Variants in STAMBP observed in about 807,000 individuals in gnomAD.
STAMBP encodes the protein STAM binding protein.
In STAMBP, 31 loss-of-function variants were observed where a neutral mutation model predicts 50.7. That is an observed-to-expected ratio of 0.61 (90% CI 0.46 to 0.83). The LOEUF (loss-of-function observed/expected upper bound fraction) is 0.83. Ranked by LOEUF, STAMBP falls within the 40% of genes least tolerant of loss-of-function variation. The probability of loss-of-function intolerance (pLI) is 0.00; values close to 1 mark genes in which losing one functional copy is unlikely to be tolerated. For missense variants in STAMBP, 472 were observed against 518.9 expected (o/e 0.91, Z 0.88); for synonymous variants, 211 against 192.4 (o/e 1.10, Z -0.80).
intron 3 of STAMBP, 37 bp from the exon 4 acceptor site, chr2:73,845,130 G>A (rs917857167): frequency 2.5e-6 from 4 of 1,601,754 alleles, no homozygotes; most frequent in Non-Finnish European, 2.6e-6. Context: ...TAATTTTCTG[G>A]CATTGTTCTA....
chr2:73,842,720 C>A (rs543104845), intron 2 of STAMBP, among the ~76,000 whole-genome samples: 2 of 152,148 alleles, frequency 1.3e-5, no homozygotes, highest in Admixed American at 6.5e-5. Flanking sequence ...TTTCCAAGAA[C>A]CTATCAACAT....
chr2:73,832,108 T>TATATATATATATATACACACAC (rs1006072205), intron 2 of STAMBP, among the ~76,000 whole-genome samples: 10 of 122,894 alleles, frequency 8.1e-5, no homozygotes, highest in African/African-American at 3.5e-4. Context: ...TATATATATA[T>TATATATATATATATACACACAC]ACACATATAT....
At chr2:73,829,658 C>G (rs1034652628) in intron 1 of STAMBP, 148 bp downstream of exon 1, 2 of 152,140 alleles carry the variant, frequency 1.3e-5, no homozygotes, top group Non-Finnish European at 1.5e-5. Flanking sequence ...ATCTCTGCAT[C>G]CCTAGTAGTC....
chr2:73,847,762 A>C lies in STAMBP; in HGVS notation c.742+9A>C, dbSNP rs750131253. 3 of 1,608,700 alleles carry C rather than the reference A, an allele frequency of 1.9e-6. No individual in the cohort carries two copies. The African/African-American group carries it at 4.0e-5, about 21-fold the overall frequency. On this transcript the variant is annotated intron_variant, in intron 5 of 9. Coordinates refer to ENST00000394070, the MANE Select transcript of STAMBP (RefSeq NM_213622.4). ...GAGCAACTCAGAAAGTAGTAAGTGC[A>C]TTTGCTGATGTCCTCTTCCTTCTCA... is the stretch of plus-strand genomic sequence containing the variant.
intron 8 of STAMBP, among the ~76,000 whole-genome samples, chr2:73,859,598 C>G (rs980793654): frequency 2.0e-5 from 3 of 150,832 alleles, no homozygotes; most frequent in Non-Finnish European, 4.4e-5. Flanking sequence ...GAAAAGTCTA[C>G]AAGAAATTTG....
intron 2 of STAMBP, 145 bp downstream of exon 2, chr2:73,831,204 C>G (rs1200137987): frequency 1.8e-5 from 12 of 654,066 alleles, no homozygotes; most frequent in Non-Finnish European, 3.2e-5. Context: ...CTGTCCTTGC[C>G]GTTCAAAGAC....
At chr2:73,857,375 TC>T (rs1677689453) in intron 7 of STAMBP, among the ~76,000 whole-genome samples, 1 of 152,070 alleles carries the variant, frequency 6.6e-6, no homozygotes, top group African/African-American at 2.4e-5. Context: ...AGAAGAAAGT[TC>T]CCCCTTTGTG....
intron 2 of STAMBP, among the ~76,000 whole-genome samples, chr2:73,837,300 A>G (rs866486008): frequency 3.1e-4 from 47 of 152,162 alleles, no homozygotes; most frequent in African/African-American, 1.1e-3. Flanking sequence ...TAAAGAACAC[A>G]TTAGGCCGGG....
intron 5 of STAMBP, 87 bp from the exon 6 acceptor site, chr2:73,849,276 G>A: frequency 6.2e-7 from 1 of 1,600,444 alleles, no homozygotes; most frequent in Non-Finnish European, 8.5e-7. Flanking sequence ...GTGGCTTAAT[G>A]TTGCTCCTCC....
downstream of STAMBP, chr2:73,870,236 C>T (rs1387139625): frequency 4.6e-5 from 7 of 152,178 alleles, no homozygotes; most frequent in Non-Finnish European, 8.8e-5. Context: ...AGCTCTTGGG[C>T]GTAGCAGCAG....
At chr2:73,855,704 G>A (rs1285438776) in intron 7 of STAMBP, 11 of 455,950 alleles carry the variant, frequency 2.4e-5, no homozygotes, top group East Asian at 1.4e-4. Flanking sequence ...GAGCTAACAC[G>A]TTCCTGTCCT....
chr2:73,863,442 A>G lies in STAMBP; in HGVS notation c.*1183A>G, dbSNP rs1413114411. 6.6e-6 allele frequency: 1 copy of G among 152,172 alleles called. No individual in the cohort carries two copies. The highest frequency in any genetic ancestry group is 1.5e-5 in the Non-Finnish European group (1 of 68,020). The allele number at this position is 152,172 out of a possible 1,614,324, so 9.4% of individuals were successfully genotyped here. ...GTGATTTATTCTTTATCAGAATTCTAGGTGGGGGAGGGAGAATCTGTGAAT... is the reference window on the plus strand; with the variant it reads ...GTGATTTATTCTTTATCAGAATTCTGGGTGGGGGAGGGAGAATCTGTGAAT... On this transcript the variant is annotated 3_prime_UTR_variant, in exon 10 of 10. Coordinates refer to ENST00000394070, the MANE Select transcript of STAMBP (RefSeq NM_213622.4).
downstream of STAMBP, among the ~76,000 whole-genome samples, chr2:73,869,333 C>A (rs72917413): frequency 0.055 from 8,290 of 152,058 alleles, 286 homozygotes; most frequent in Admixed American, 0.082. Flanking sequence ...ATGTGCAAGC[C>A]TCATATGAAG....
rs1167833141 is a variant in STAMBP at position 73,844,837 on chromosome 2, A to G, written c.228A>G (p.Lys76=). 6.2e-7 allele frequency: 1 copy of G among 1,614,082 alleles called. No individual in the cohort carries two copies. ...GGCTCTTTATTGAGAAACTACCAAA[A>G]CATCGAGATTACAAATCTGCTGTCA... ...YITLFIEKLP[K]HRDYKSAVIP... The change falls in exon 3 of 10, where the codon AAA becomes AAG. Residue 76 remains lysine, a synonymous_variant. Transcript: ENST00000394070.
intron 2 of STAMBP, among the ~76,000 whole-genome samples, chr2:73,832,504 C>T (rs1223829865): frequency 6.6e-6 from 1 of 151,878 alleles, no homozygotes; most frequent in Non-Finnish European, 1.5e-5. Flanking sequence ...TCTTTTCCCC[C>T]CAAACCCTCA....
At chr2:73,872,125 A>T (rs946227105), downstream of STAMBP, among the ~76,000 whole-genome samples, 1 of 152,160 alleles carries the variant, frequency 6.6e-6, no homozygotes, top group Non-Finnish European at 1.5e-5. Flanking sequence ...TGGAATTGAG[A>T]TATTGGGTCA....
At chr2:73,858,047 A>T (rs537052985) in intron 7 of STAMBP, among the ~76,000 whole-genome samples, 33 of 150,358 alleles carry the variant, frequency 2.2e-4, no homozygotes, top group African/African-American at 7.8e-4. Context: ...CAGTGGCGCG[A>T]TCTCGGCTCA....
chr2:73,843,927 C>G (rs941051329), intron 2 of STAMBP, among the ~76,000 whole-genome samples: 2 of 152,184 alleles, frequency 1.3e-5, no homozygotes, highest in Non-Finnish European at 2.9e-5. Flanking sequence ...CATCTTTGTT[C>G]AGAATCCCTC....
At chr2:73,845,656 C>T (rs1675966610) in intron 4 of STAMBP, among the ~76,000 whole-genome samples, 1 of 138,572 alleles carries the variant, frequency 7.2e-6, no homozygotes. Flanking sequence ...TTTTTTGAGA[C>T]AGTCTCACTC....
Sources: allele counts gnomAD v4.1 joint callset (sites outside exome capture counted in the v4.1 genomes callset), GRCh38; gene constraint gnomAD v4.1.1; transcripts MANE v1.5; gene names NCBI Gene and HGNC (gene_info 2026-07-23, HGNC 2026-07-21).